CHEK1: variants seen among roughly 807,000 people sequenced by gnomAD.
CHEK1 encodes the protein checkpoint kinase 1.
In CHEK1, 32 loss-of-function variants were observed where a neutral mutation model predicts 60.2. That is an observed-to-expected ratio of 0.53 (90% CI 0.40 to 0.71). CHEK1 has a LOEUF of 0.71. Ranked by LOEUF, CHEK1 falls within the 30% of genes least tolerant of loss-of-function variation. CHEK1 has a pLI of 0.00. For synonymous variants in CHEK1, 179 were observed against 187.2 expected (o/e 0.96, Z 0.36); for missense variants, 399 against 564.6 (o/e 0.71, Z 2.97).
At chr11:125,659,230 C>T (rs1008821632), downstream of CHEK1, among the ~76,000 whole-genome samples, 7 of 151,858 alleles carry the variant, frequency 4.6e-5, no homozygotes, top group African/African-American at 9.7e-5. Context: ...ACATAATAAT[C>T]GATTGATGTC....
At chr11:125,640,270 G>A (rs1050144511) in intron 8 of CHEK1, among the ~76,000 whole-genome samples, 3 of 152,116 alleles carry the variant, frequency 2.0e-5, no homozygotes, top group Admixed American at 6.5e-5. Flanking sequence ...GGCCGGGCGC[G>A]GTGGCTCACG....
intron 3 of CHEK1, among the ~76,000 whole-genome samples, chr11:125,628,117 C>T (rs1011878463): frequency 3.9e-5 from 6 of 152,150 alleles, no homozygotes; most frequent in Admixed American, 2.0e-4. Flanking sequence ...ATCATAAATG[C>T]AGTGTATCCT....
chr11:125,649,056 A>T (rs1340850941), intron 11 of CHEK1, among the ~76,000 whole-genome samples: 3 of 152,140 alleles, frequency 2.0e-5, no homozygotes, highest in Admixed American at 6.5e-5. Context: ...GGCTCAAGTG[A>T]TCCTCCTGAG....
intron 5 of CHEK1, among the ~76,000 whole-genome samples, chr11:125,632,740 A>C (rs1186421431): frequency 6.6e-6 from 1 of 152,148 alleles, no homozygotes; most frequent in Non-Finnish European, 1.5e-5. Flanking sequence ...TCTTCTGCCA[A>C]CTGGGTTTGT....
chr11:125,659,700 T>G (rs1941978327), downstream of CHEK1, among the ~76,000 whole-genome samples: 1 of 152,226 alleles, frequency 6.6e-6, no homozygotes, highest in Non-Finnish European at 1.5e-5. Flanking sequence ...TTTATTGAGA[T>G]ATTCACATAG....
At position 125,633,141 on chromosome 11, in the gene CHEK1, ATCTTTTT is replaced by A. The variant is rs958651781; in HGVS notation, c.425-20_425-14del. The A allele has an allele frequency of 6.5e-7, 1 of 1,547,812 alleles. No homozygotes were observed. The highest frequency in any genetic ancestry group is 1.4e-5 in the African/African-American group (1 of 70,406). ...TTGCAAAACATTTTTATTCAGTGTC[ATCTTTTT>A]TTCTTTTGGTTTAGATAACCTCAAA... On this transcript the variant is annotated splice_polypyrimidine_tract_variant and intron_variant, in intron 5 of 12. Coordinates refer to ENST00000438015, the MANE Select transcript of CHEK1 (RefSeq NM_001114122.3).
chr11:125,639,345 C>T (rs1941191277), intron 8 of CHEK1, among the ~76,000 whole-genome samples: 1 of 150,680 alleles, frequency 6.6e-6, no homozygotes, highest in East Asian at 2.0e-4. Context: ...CTTTCTCTGT[C>T]CTGTTCTCCT....
At chr11:125,633,057 C>G in intron 5 of CHEK1, 106 bp from the exon 6 acceptor site, 6 of 979,136 alleles carry the variant, frequency 6.1e-6, no homozygotes, top group Non-Finnish European at 8.8e-6. Flanking sequence ...GTTCTACAAA[C>G]CTTAAGTAAC....
intron 13 of CHEK1, among the ~76,000 whole-genome samples, chr11:125,674,320 TA>T (rs1942376045): frequency 6.6e-6 from 1 of 152,166 alleles, no homozygotes; most frequent in Non-Finnish European, 1.5e-5. Context: ...GTATTTTGAT[TA>T]AGGGGGGCAT....
chr11:125,625,259 G>A lies in CHEK1; in HGVS notation c.-774G>A, dbSNP rs1168442918. 1 of 231,776 alleles carries A rather than the reference G, an allele frequency of 4.3e-6. No individual in the cohort carries two copies. The highest frequency in any genetic ancestry group is 8.5e-6 in the Non-Finnish European group (1 of 117,256). 14.4% of individuals were successfully genotyped at this position (231,776 alleles called of 1,614,324 possible). A position where few individuals can be genotyped will look rare whatever the true frequency, so the allele number is the denominator to read the frequency against. ...CTTCCTGCAAAAAGACCGGGCTGAAGTAAAGCATTGTTTTGGAGCTGGTTC... is the reference window on the plus strand; with the variant it reads ...CTTCCTGCAAAAAGACCGGGCTGAAATAAAGCATTGTTTTGGAGCTGGTTC... On this transcript the variant is annotated 5_prime_UTR_variant, in exon 1 of 13. Transcript: ENST00000438015.
chr11:125,625,647 C>T lies in CHEK1; in HGVS notation c.-386C>T. 3.4e-6 allele frequency: 2 copies of T among 595,650 alleles called. No homozygotes were observed. Among genetic ancestry groups the T allele is most frequent in the Non-Finnish European group, 6.0e-6 (2 of 332,764 alleles). 36.9% of individuals were successfully genotyped at this position (595,650 alleles called of 1,614,324 possible). A position where few individuals can be genotyped will look rare whatever the true frequency, so the allele number is the denominator to read the frequency against. On this transcript the variant is annotated 5_prime_UTR_variant, in exon 1 of 13. Transcript: ENST00000438015. ...CCTGGAAGCGCAGCGCGGTCGGTCG[C>T]GCGCCCCTGAGGCTTGGAGGCCTGG...
chr11:125,679,740 ACT>A (rs1306477000), downstream of CHEK1, among the ~76,000 whole-genome samples: 2 of 152,148 alleles, frequency 1.3e-5, no homozygotes, highest in East Asian at 3.8e-4. Context: ...AGTACTCAAA[ACT>A]CTAAGAATCT....
In CHEK1 at chr11:125,653,992, C is replaced by A. The variant is rs758756612; in HGVS notation, c.1335+145C>A. The A allele has an allele frequency of 1.6e-5, 8 of 509,474 alleles. No homozygotes were observed. The highest frequency in any genetic ancestry group is 2.7e-5 in the Non-Finnish European group (8 of 294,268). The allele number at this position is 509,474 out of a possible 1,614,324, so 31.6% of individuals were successfully genotyped here. A position where few individuals can be genotyped will look rare whatever the true frequency, so the allele number is the denominator to read the frequency against. ...TATTATGAGCATGTGTTTTCGTTAT[C>A]TATTTTTCCCGAACATTGTTTTTTT... On this transcript the variant is annotated intron_variant, in intron 12 of 12. Transcript: ENST00000438015. This position sits in a 1 kb window ranked among gnomAD's most constrained non-coding sequence, Gnocchi z 4.3.
downstream of CHEK1, among the ~76,000 whole-genome samples, chr11:125,678,978 T>TATATATATATATATATA (rs1555078666): frequency 3.5e-3 from 310 of 88,398 alleles, 6 homozygotes; most frequent in African/African-American, 5.0e-3. Flanking sequence ...TCTAGGCATA[T>TATATATATATATATATA]TATATATATA....
rs377704459 is a variant in CHEK1 at position 125,635,463 on chromosome 11, G to C, written c.648G>C (p.Gln216His). The change falls in exon 7 of 13, where the codon CAG becomes CAC. Residue 216 changes from glutamine to histidine, a missense_variant. Gln to His is a conservative substitution (Grantham distance 24, BLOSUM62 0). This residue lies in a region of CHEK1 where 370 missense variants were observed against 494.8 expected (regional missense o/e 0.75). Coordinates refer to ENST00000438015, the MANE Select transcript of CHEK1 (RefSeq NM_001114122.3). Reference sequence around the variant, plus strand: ...GGGACCAACCCAGTGACAGCTGTCAGGAGTATTCTGACTGGAAAGAAAAAA... The same window carrying C: ...GGGACCAACCCAGTGACAGCTGTCACGAGTATTCTGACTGGAAAGAAAAAA... ...LPWDQPSDSC[Q>H]EYSDWKEKKT... 1.2e-5 allele frequency: 20 copies of C among 1,606,566 alleles called. No homozygotes were observed. The highest frequency in any genetic ancestry group is 1.7e-5 in the Non-Finnish European group (20 of 1,177,114).
At chr11:125,650,458 G>GTTT (rs71279471) in intron 11 of CHEK1, among the ~76,000 whole-genome samples, 21,027 of 130,520 alleles carry the variant, frequency 0.16, 2,142 homozygotes, top group African/African-American at 0.23. Flanking sequence ...AGTGGTGTTT[G>GTTT]TTTTTTTTTT....
downstream of CHEK1, chr11:125,681,070 A>AG (rs1341615050): frequency 4.7e-6 from 1 of 211,876 alleles, no homozygotes; most frequent in Non-Finnish European, 9.3e-6. This position sits in a 1 kb window ranked among gnomAD's most constrained non-coding sequence, Gnocchi z 4.2. Flanking sequence ...CTTTAAAAAA[A>AG]AAAAAAAAGT....
chr11:125,634,234 A>T (rs1441849988), intron 6 of CHEK1, among the ~76,000 whole-genome samples: 2 of 151,980 alleles, frequency 1.3e-5, no homozygotes, highest in Non-Finnish European at 2.9e-5. Context: ...ACCTCAAGTG[A>T]TCCCCCAACC....
intron 5 of CHEK1, among the ~76,000 whole-genome samples, chr11:125,631,697 T>TA (rs1038869452): frequency 5.8e-4 from 85 of 145,328 alleles, no homozygotes; most frequent in Non-Finnish European, 9.9e-4. Context: ...TATGAAAAAT[T>TA]AAAAAAAAAA....
Sources: allele counts gnomAD v4.1 joint callset (sites outside exome capture counted in the v4.1 genomes callset), GRCh38; gene constraint gnomAD v4.1.1; regional missense constraint gnomAD v4.1.1; non-coding constraint Gnocchi (gnomAD v3.1); transcripts MANE v1.5; gene names NCBI Gene and HGNC (gene_info 2026-07-23, HGNC 2026-07-21).